The following HAGH variants were observed in gnomAD, a reference collection of about 807,000 sequenced individuals.
HAGH encodes the protein hydroxyacylglutathione hydrolase.
A neutral mutation model predicts 35.1 loss-of-function variants in HAGH; 29 were observed. The ratio of observed to expected loss-of-function variants is 0.83; its 90% CI spans 0.62 to 1.13. The LOEUF (loss-of-function observed/expected upper bound fraction) is 1.13, where lower values mean the gene tolerates loss of function less well. Ranked by LOEUF, HAGH falls within the 50% of genes most tolerant of loss-of-function variation. The pLI is 0.00. For synonymous variants in HAGH, 225 were observed against 176.1 expected (o/e 1.28, Z -2.20); for missense variants, 478 against 419.6 (o/e 1.14, Z -1.22).
At chr16:1,823,092 G>T (rs1301148531) in intron 1 of HAGH, 55 bp from the exon 2 acceptor site, 7 of 1,500,902 alleles carry the variant, frequency 4.7e-6, no homozygotes, top group South Asian at 1.1e-5. Flanking sequence ...TCCACGACAG[G>T]ACGCGCAAGC....
At chr16:1,811,350 G>A (rs1897639539) in intron 7 of HAGH, among the ~76,000 whole-genome samples, 1 of 152,118 alleles carries the variant, frequency 6.6e-6, no homozygotes, top group South Asian at 2.1e-4. Context: ...GGAGGTGGAG[G>A]CTGCAGCGAG....
rs369286144 is a variant in HAGH, at chr16:1,809,319, G to C, written c.891C>G (p.Arg297=). The part of the protein sequence containing the change: ...TDPVTTMRAV[R]REKDQFKMPR... Reference sequence around the variant, plus strand: ...GCATCTTGAACTGGTCCTTCTCCCTGCGCACGGCCCGCATGGTGGTCACCG... The same window carrying C: ...GCATCTTGAACTGGTCCTTCTCCCTCCGCACGGCCCGCATGGTGGTCACCG... Residue 297 remains arginine (R), a synonymous_variant, in exon 9 of 9, where the codon CGC becomes CGG. Coordinates refer to ENST00000397356, the MANE Select transcript of HAGH (RefSeq NM_005326.6). The C allele has an allele frequency of 5.0e-6, 8 of 1,613,680 alleles. No homozygotes were observed. The highest frequency in any genetic ancestry group is 5.9e-6 in the Non-Finnish European group (7 of 1,179,758).
chr16:1,813,554 A>G (rs758801140), intron 7 of HAGH, among the ~76,000 whole-genome samples: 60 of 152,338 alleles, frequency 3.9e-4, no homozygotes, highest in Non-Finnish European at 7.2e-4. Flanking sequence ...TTGAACACGC[A>G]AATTTCAAAA....
In HAGH at chr16:1,808,285, AGAT is replaced by A. The variant is rs943273711; in HGVS notation, c.*995_*997del. 3 of 151,740 alleles carry A rather than the reference AGAT, an allele frequency of 2.0e-5. No homozygotes were observed. Among genetic ancestry groups the A allele is most frequent in the Non-Finnish European group, 2.9e-5 (2 of 67,994 alleles). 9.4% of individuals were successfully genotyped at this position (151,740 alleles called of 1,614,324 possible). On this transcript the variant is annotated 3_prime_UTR_variant, in exon 9 of 9. Transcript: ENST00000397356. ...ACCCTGCCCAGGTAACTTTTTAAAA[AGAT>A]TATTATTAAATTTCATATTTTTTTT...
intron 1 of HAGH, among the ~76,000 whole-genome samples, chr16:1,826,039 C>T (rs1011777753): frequency 1.3e-5 from 2 of 152,226 alleles, no homozygotes; most frequent in Non-Finnish European, 2.9e-5. Flanking sequence ...AACTGTAATT[C>T]TGAGGACCTC....
chr16:1,823,105 C>A, intron 1 of HAGH, 68 bp from the exon 2 acceptor site: 1 of 1,325,380 alleles, frequency 7.5e-7, no homozygotes, highest in South Asian at 1.2e-5. Context: ...GCGCAAGCTG[C>A]AGTGCTTCCC....
chr16:1,811,949 G>C (rs1313545855), intron 7 of HAGH, among the ~76,000 whole-genome samples: 1 of 152,178 alleles, frequency 6.6e-6, no homozygotes, highest in African/African-American at 2.4e-5. Flanking sequence ...CCAGCACTTT[G>C]GGAGGCCAAG....
chr16:1,822,341 G>A lies in HAGH; in HGVS notation c.273C>T (p.His91=), dbSNP rs745580284. The stretch of plus-strand genomic sequence containing the variant: ...TGAGCACTGTGGTCAGTTTCACCCC[G>A]TGCTTTCTCGCCGCGTCCACGACCT... ...PQKVVDAARK[H]GVKLTTVLTT... is the part of the protein sequence containing the mutation. The change falls in exon 3 of 9, where the codon CAC becomes CAT. Residue 91 remains histidine, a synonymous_variant. Transcript: ENST00000397356. 43 of 1,611,500 alleles carry A rather than the reference G, an allele frequency of 2.7e-5. No individual in the cohort carries two copies. The highest frequency in any genetic ancestry group is 6.7e-5 in the African/African-American group (5 of 74,876).
chr16:1,820,132 G>A (rs55786131), intron 3 of HAGH, 118 bp from the exon 4 acceptor site: 54,969 of 724,096 alleles, frequency 0.076, 2,486 homozygotes, highest in African/African-American at 0.16. Context: ...CTAGTCAAAC[G>A]CAACACTTAT....
intron 7 of HAGH, among the ~76,000 whole-genome samples, chr16:1,814,434 G>A (rs375885048): frequency 2.0e-5 from 3 of 148,622 alleles, no homozygotes; most frequent in East Asian, 2.0e-4. Context: ...AGATCGCGCC[G>A]CTGCACTCCA....
At chr16:1,813,425 C>T (rs899747879) in intron 7 of HAGH, among the ~76,000 whole-genome samples, 3 of 152,200 alleles carry the variant, frequency 2.0e-5, no homozygotes, top group Admixed American at 6.5e-5. Context: ...TTTATAGCAA[C>T]ACCACACAGA....
chr16:1,811,516 C>G (rs1035882285), intron 7 of HAGH, among the ~76,000 whole-genome samples: 1 of 152,010 alleles, frequency 6.6e-6, no homozygotes, highest in Non-Finnish European at 1.5e-5. Flanking sequence ...AGTTTGAGAC[C>G]GGCCTGGCCA....
intron 7 of HAGH, among the ~76,000 whole-genome samples, chr16:1,811,880 T>C (rs1417908438): frequency 6.6e-6 from 1 of 151,680 alleles, no homozygotes; most frequent in Non-Finnish European, 1.5e-5. Flanking sequence ...CACGCAATAG[T>C]ATATTTTACA....
At chr16:1,820,360 G>T (rs1898102764) in intron 3 of HAGH, among the ~76,000 whole-genome samples, 1 of 151,530 alleles carries the variant, frequency 6.6e-6, no homozygotes, top group Admixed American at 6.6e-5. Flanking sequence ...GCCTGGGGTG[G>T]ATTTCTTGTC....
In HAGH at chr16:1,807,632, G is replaced by A. The variant is rs906941354; in HGVS notation, c.*1651C>T. On this transcript the variant is annotated 3_prime_UTR_variant, in exon 9 of 9. Coordinates refer to ENST00000397356, the MANE Select transcript of HAGH (RefSeq NM_005326.6). ...TGGTTGACAAATGAGCACAGTGTTT[G>A]TTATAGAATGGAAACATTTAAGATT... is the stretch of plus-strand genomic sequence containing the variant. The A allele has an allele frequency of 1.3e-5, 2 of 152,196 alleles. No homozygotes were observed. The highest frequency in any genetic ancestry group is 4.8e-5 in the African/African-American group (2 of 41,446). The allele number at this position is 152,196 out of a possible 1,614,324, so 9.4% of individuals were successfully genotyped here. A position where few individuals can be genotyped will look rare whatever the true frequency, so the allele number is the denominator to read the frequency against.
chr16:1,817,810 T>C, intron 5 of HAGH, among the ~76,000 whole-genome samples: 1 of 152,184 alleles, frequency 6.6e-6, no homozygotes, highest in East Asian at 1.9e-4. Context: ...CAGGCCTCTG[T>C]CCCCGCTTGC....
chr16:1,826,070 A>C (rs541989420), intron 1 of HAGH, among the ~76,000 whole-genome samples: 1 of 152,306 alleles, frequency 6.6e-6, no homozygotes, highest in African/African-American at 2.4e-5. Flanking sequence ...TCCTTTCCTT[A>C]GCAATGGCGA....
rs773786962 is a variant in HAGH, at chr16:1,809,443, G to A, written c.828-61C>T. On this transcript the variant is annotated intron_variant, in intron 8 of 8. Coordinates refer to ENST00000397356, the MANE Select transcript of HAGH (RefSeq NM_005326.6). ...AGCCACGCCCACCGGAGGAGCCAGG[G>A]CCACTGCAGAGGAAGGCGACTCGTG... The A allele has an allele frequency of 1.5e-5, 21 of 1,376,066 alleles. No homozygotes were observed. The South Asian group carries it at 2.3e-4, about 15-fold the overall frequency. The allele number at this position is 1,376,066 out of a possible 1,614,324, so 85.2% of individuals were successfully genotyped here.
In HAGH at chr16:1,816,248, T is replaced by C. The variant is rs931549163; in HGVS notation, c.747+645A>G. Among the ~76,000 whole-genome samples, 20 of 151,102 alleles carry C rather than the reference T, an allele frequency of 1.3e-4. No homozygotes were observed. The South Asian group carries it at 3.1e-3, about 24-fold the overall frequency. On this transcript the variant is annotated intron_variant, in intron 7 of 8. Coordinates refer to ENST00000397356, the MANE Select transcript of HAGH (RefSeq NM_005326.6). The stretch of plus-strand genomic sequence containing the variant: ...AAAAAAGATGAGTATTTATGATTCA[T>C]CTGATTTAGAGTTGGAATTTGCATG...
Sources: allele counts gnomAD v4.1 joint callset (sites outside exome capture counted in the v4.1 genomes callset), GRCh38; gene constraint gnomAD v4.1.1; transcripts MANE v1.5; gene names NCBI Gene and HGNC (gene_info 2026-07-23, HGNC 2026-07-21).